Variants in GSAP observed in about 807,000 individuals in gnomAD.
The protein encoded by GSAP is gamma-secretase activating protein.
Under a neutral mutation model 131.7 loss-of-function variants are expected in GSAP, and 118 were observed. The observed-to-expected ratio is 0.90, with a 90% CI of 0.77 to 1.04. GSAP has a LOEUF of 1.04. Ranked by LOEUF, GSAP falls within the 50% of genes least tolerant of loss-of-function variation. The pLI, the probability that GSAP is intolerant of heterozygous loss-of-function variation, is 0.00. For missense variants in GSAP, 1,019 were observed against 1,013.2 expected (o/e 1.01, Z -0.08); for synonymous variants, 381 against 363.4 (o/e 1.05, Z -0.55).
chr7:77,356,023 CTCAA>C (rs1414065890), intron 14 of GSAP, among the ~76,000 whole-genome samples: 1 of 130,500 alleles, frequency 7.7e-6, no homozygotes, highest in Non-Finnish European at 1.6e-5. Context: ...AACTCCTGGG[CTCAA>C]GCAATCCTCC....
chr7:77,403,049 C>G (rs1214143366), intron 3 of GSAP, among the ~76,000 whole-genome samples: 1 of 152,152 alleles, frequency 6.6e-6, no homozygotes, highest in African/African-American at 2.4e-5. Context: ...CAAGTGCTCA[C>G]AGTCTTGGGA....
intron 1 of GSAP, among the ~76,000 whole-genome samples, chr7:77,408,031 A>C (rs1310682370): frequency 6.6e-6 from 1 of 152,252 alleles, no homozygotes; most frequent in African/African-American, 2.4e-5. Flanking sequence ...AGTTTTCAAT[A>C]ATGGGCACAA....
In GSAP at chr7:77,375,043, C is replaced by A; in HGVS notation, c.785+15G>T. On this transcript the variant is annotated intron_variant, in intron 11 of 30. Coordinates refer to ENST00000257626, the MANE Select transcript of GSAP (RefSeq NM_017439.4). ...AGTATCTATAAAAATTAGTAACAAC[C>A]TATGAATAACTTACTTAAATCCTGA... 1 of 1,295,604 alleles carries A rather than the reference C, an allele frequency of 7.7e-7. No individual in the cohort carries two copies. The highest frequency in any genetic ancestry group is 2.4e-5 in the East Asian group (1 of 42,460). The allele number at this position is 1,295,604 out of a possible 1,614,324, so 80.3% of individuals were successfully genotyped here. A position where few individuals can be genotyped will look rare whatever the true frequency, so the allele number is the denominator to read the frequency against.
chr7:77,369,961 A>C (rs1452651534), intron 12 of GSAP, among the ~76,000 whole-genome samples: 2 of 152,002 alleles, frequency 1.3e-5, no homozygotes, highest in Non-Finnish European at 2.9e-5. Context: ...ACCCTTCCAC[A>C]CACTGCCGAG....
intron 19 of GSAP, among the ~76,000 whole-genome samples, chr7:77,342,129 A>ACTGACT (rs1214265989): frequency 1.4e-5 from 2 of 147,406 alleles, no homozygotes; most frequent in Non-Finnish European, 2.9e-5. Context: ...AGGCTCTCTG[A>ACTGACT]CTGACTCCTT....
chr7:77,405,999 T>A, intron 2 of GSAP, 30 bp downstream of exon 2: 1 of 797,726 alleles, frequency 1.3e-6, no homozygotes, highest in South Asian at 1.8e-5. Context: ...ATTTTACATC[T>A]TACCACAATA....
intron 3 of GSAP, among the ~76,000 whole-genome samples, chr7:77,400,836 A>G (rs1801188456): frequency 2.6e-5 from 4 of 152,256 alleles, no homozygotes; most frequent in Admixed American, 2.6e-4. Context: ...TTCAATAAGT[A>G]ATTACAAGCA....
rs1794766531 is a variant in GSAP at position 77,314,567 on chromosome 7, T to TA, written c.2090-79dup. The TA allele has an allele frequency of 2.6e-6, 4 of 1,537,846 alleles. No homozygotes were observed. In the South Asian group the frequency reaches 4.6e-5, roughly 18 times the overall value. Reference sequence around the variant, plus strand: ...CCCCGGGGAATGGATTAGATCATGTTAATAAAGCACTTAGTTCAGTGCTTG... The same window carrying TA: ...CCCCGGGGAATGGATTAGATCATGTTAAATAAAGCACTTAGTTCAGTGCTTG... On this transcript the variant is annotated intron_variant, in intron 26 of 30. Transcript: ENST00000257626.
chr7:77,372,144 T>C (rs1360429962), intron 12 of GSAP, among the ~76,000 whole-genome samples: 2 of 152,156 alleles, frequency 1.3e-5, no homozygotes, highest in Non-Finnish European at 2.9e-5. Context: ...AAATAATGTA[T>C]AAAGGAAAAA....
intron 19 of GSAP, among the ~76,000 whole-genome samples, chr7:77,332,563 C>G (rs538130071): frequency 6.6e-6 from 1 of 152,204 alleles, no homozygotes; most frequent in South Asian, 2.1e-4. Flanking sequence ...TTTGTATGAG[C>G]GCTCTTCTGG....
At chr7:77,311,498 G>A (rs960125678) in intron 30 of GSAP, 49 bp from the exon 31 acceptor site, 38 of 911,282 alleles carry the variant, frequency 4.2e-5, no homozygotes, top group Middle Eastern at 2.1e-4. Flanking sequence ...CCATGGGTCC[G>A]TGAAACATTT....
intron 3 of GSAP, among the ~76,000 whole-genome samples, chr7:77,400,743 T>A (rs1225255111): frequency 6.6e-6 from 1 of 152,040 alleles, no homozygotes; most frequent in Non-Finnish European, 1.5e-5. Context: ...TCAAACTGAA[T>A]GAGGAAACAA....
intron 19 of GSAP, among the ~76,000 whole-genome samples, chr7:77,333,587 A>G (rs1213421804): frequency 6.6e-6 from 1 of 152,136 alleles, no homozygotes; most frequent in Non-Finnish European, 1.5e-5. Flanking sequence ...CGGGCACCCC[A>G]CCCTCAAACA....
At chr7:77,348,379 T>C (rs1339545157) in intron 19 of GSAP, among the ~76,000 whole-genome samples, 8 of 152,170 alleles carry the variant, frequency 5.3e-5, no homozygotes, top group Admixed American at 5.2e-4. Context: ...CATCAGTCTA[T>C]TTTTAAGGGA....
chr7:77,383,493 G>A (rs1798082414), intron 6 of GSAP, among the ~76,000 whole-genome samples: 1 of 152,132 alleles, frequency 6.6e-6, no homozygotes, highest in Non-Finnish European at 1.5e-5. Flanking sequence ...GTGAGTCATG[G>A]TGCCACATGA....
intron 12 of GSAP, among the ~76,000 whole-genome samples, chr7:77,372,346 T>C (rs1234734187): frequency 6.6e-6 from 1 of 152,228 alleles, no homozygotes; most frequent in East Asian, 1.9e-4. Context: ...TGAATCTTGA[T>C]GGAATCCTGA....
At chr7:77,372,117 T>G (rs961217572) in intron 12 of GSAP, among the ~76,000 whole-genome samples, 1 of 152,252 alleles carries the variant, frequency 6.6e-6, no homozygotes, top group African/African-American at 2.4e-5. Flanking sequence ...CTCAGTTGTG[T>G]GTAGCTTCCA....
intron 26 of GSAP, among the ~76,000 whole-genome samples, chr7:77,318,533 A>T (rs1787181834): frequency 6.6e-6 from 1 of 152,246 alleles, no homozygotes; most frequent in Non-Finnish European, 1.5e-5. Flanking sequence ...AACACTCATT[A>T]GAACTTTATA....
intron 1 of GSAP, 104 bp downstream of exon 1, chr7:77,416,109 A>G: frequency 3.3e-6 from 2 of 608,926 alleles, no homozygotes; most frequent in Non-Finnish European, 5.2e-6. Context: ...CAGCCTTCTC[A>G]GGGCGGCGAC....
Sources: allele counts gnomAD v4.1 joint callset (sites outside exome capture counted in the v4.1 genomes callset), GRCh38; gene constraint gnomAD v4.1.1; transcripts MANE v1.5; gene names NCBI Gene and HGNC (gene_info 2026-07-23, HGNC 2026-07-21).